The following PHF3 variants were observed in gnomAD, a reference collection of about 807,000 sequenced individuals.
The protein encoded by PHF3 is PHD finger protein 3.
A neutral mutation model predicts 178.4 loss-of-function variants in PHF3; 41 were observed. That is an observed-to-expected ratio of 0.23 (90% CI 0.18 to 0.30). The LOEUF (loss-of-function observed/expected upper bound fraction) is 0.30. Ranked by LOEUF, PHF3 falls within the 10% of genes least tolerant of loss-of-function variation. The pLI is 1.00. For missense variants in PHF3, 2,346 were observed against 2,398.1 expected (o/e 0.98, Z 0.45); for synonymous variants, 842 against 800.5 (o/e 1.05, Z -0.88).
Position 63,680,126 on chromosome 6 carries a change from G to C in PHF3, c.371G>C (p.Arg124Thr), listed in dbSNP as rs777343593. 21 of 1,609,658 alleles carry C rather than the reference G, an allele frequency of 1.3e-5. No individual in the cohort carries two copies. The South Asian group carries it at 2.1e-4, about 16-fold the overall frequency. The change falls in exon 3 of 16, where the codon AGA becomes ACA. Residue 124 changes from arginine (R) to threonine (T), a missense_variant. By Grantham distance (71) the Arg-to-Thr change is moderately conservative. This residue lies in a region of PHF3 where 843 missense variants were observed against 795.2 expected (regional missense o/e 1.06). Transcript: ENST00000262043. ...GACAAGGTAGAAGAAAATTCAGTGA[G>C]ATCTCCAAGAAAATCACCTCGTTTA... ...LRDKVEENSV[R>T]SPRKSPRLMA...
chr6:63,669,213 A>G (rs1765805722), intron 2 of PHF3, among the ~76,000 whole-genome samples: 1 of 152,250 alleles, frequency 6.6e-6, no homozygotes, highest in African/African-American at 2.4e-5. Context: ...AGAAACTGAC[A>G]TTTAAAAAAC....
At position 63,712,878 on chromosome 6, in the gene PHF3, C is replaced by T. The variant is rs1180978882; in HGVS notation, c.5290C>T (p.His1764Tyr). Residue 1764 changes from histidine (H) to tyrosine (Y), a missense_variant, in exon 16 of 16, where the codon CAT (histidine) becomes TAT (tyrosine). Coordinates refer to ENST00000262043, the MANE Select transcript of PHF3 (RefSeq NM_001370348.2). ...FRRGSAVATS[H>Y]FEVGNTCPSE... is the part of the protein sequence containing the mutation. ...AAGAGGATCAGCAGTAGCGACATCT[C>T]ATTTTGAAGTTGGAAACACATGTCC... 6.2e-7 allele frequency: 1 copy of T among 1,614,000 alleles called. No homozygotes were observed. The highest frequency in any genetic ancestry group is 2.2e-5 in the East Asian group (1 of 44,860).
intron 2 of PHF3, among the ~76,000 whole-genome samples, chr6:63,649,121 T>G (rs979348666): frequency 1.3e-5 from 2 of 149,538 alleles, no homozygotes; most frequent in African/African-American, 4.9e-5. Flanking sequence ...TTCATTTATT[T>G]TGGTAGAGAC....
chr6:63,704,252 C>T (rs1342959105), intron 11 of PHF3, among the ~76,000 whole-genome samples: 1 of 152,024 alleles, frequency 6.6e-6, no homozygotes. Flanking sequence ...AATAATGACC[C>T]CAAATCCATA....
intron 5 of PHF3, 87 bp downstream of exon 5, chr6:63,692,130 A>G: frequency 1.1e-6 from 1 of 926,018 alleles, no homozygotes; most frequent in Non-Finnish European, 1.6e-6. Context: ...TCTCTTTAGA[A>G]GTTTTAATGT....
chr6:63,712,324 A>G lies in PHF3; in HGVS notation c.4736A>G (p.Gln1579Arg), dbSNP rs1168506862. The G allele has an allele frequency of 1.2e-6, 2 of 1,613,078 alleles. No homozygotes were observed. Among genetic ancestry groups the G allele is most frequent in the African/African-American group, 2.7e-5 (2 of 74,862 alleles). ...GCATTTTTAACAAATTTATCAATTC[A>G]GTCAAAACAAGAGGAAACTGTGGAG... Reference protein sequence around the residue: ...TEAFLTNLSIQSKQEETVESK... With the variant: ...TEAFLTNLSIRSKQEETVESK... The change falls in exon 16 of 16, where the codon CAG (glutamine) becomes CGG (arginine). Residue 1579 changes from glutamine to arginine, a missense_variant. Gln to Arg is a conservative substitution (Grantham distance 43, BLOSUM62 1). Coordinates refer to ENST00000262043, the MANE Select transcript of PHF3 (RefSeq NM_001370348.2).
rs1764311975 is a variant in PHF3, at chr6:63,635,994, T to TCCCAGGAGGAAAAGAGGCTGTGGC, written c.-181_-158dup. ...AGTGTCGTCAGCAGCAGCCATTTGG[T>TCCCAGGAGGAAAAGAGGCTGTGGC]CCCAGGAGGAAAAGAGGCTGTGGCA... On this transcript the variant is annotated 5_prime_UTR_variant, in exon 1 of 16. Transcript: ENST00000262043. 7.5e-6 allele frequency: 3 copies of TCCCAGGAGGAAAAGAGGCTGTGGC among 397,832 alleles called. No individual in the cohort carries two copies. The highest frequency in any genetic ancestry group is 1.3e-5 in the Non-Finnish European group (3 of 225,572). 24.6% of individuals were successfully genotyped at this position (397,832 alleles called of 1,614,324 possible).
At chr6:63,653,262 A>G (rs1207431000) in intron 2 of PHF3, among the ~76,000 whole-genome samples, 1 of 150,866 alleles carries the variant, frequency 6.6e-6, no homozygotes, top group Non-Finnish European at 1.5e-5. Context: ...CATTGCATTG[A>G]ATCTATACAC....
chr6:63,693,530 G>A (rs1452465135), intron 5 of PHF3, among the ~76,000 whole-genome samples: 2 of 152,206 alleles, frequency 1.3e-5, no homozygotes, highest in East Asian at 3.8e-4. Context: ...CAGGAGAATC[G>A]CTTGAACCTG....
chr6:63,669,715 A>ATG (rs1333128949), intron 2 of PHF3, among the ~76,000 whole-genome samples: 3 of 152,170 alleles, frequency 2.0e-5, no homozygotes, highest in African/African-American at 7.2e-5. Flanking sequence ...AATGAACTTG[A>ATG]TGTAAGGGAT....
chr6:63,711,935 C>T lies in PHF3; in HGVS notation c.4347C>T (p.Gly1449=). 6.2e-7 allele frequency: 1 copy of T among 1,613,912 alleles called. No homozygotes were observed. Residue 1449 remains glycine, a synonymous_variant, in exon 16 of 16, where the codon GGC becomes GGT. Coordinates refer to ENST00000262043, the MANE Select transcript of PHF3 (RefSeq NM_001370348.2). ...GATTTCTTCCTGGCGTGTTGATTGG[C>T]TGGGAGAATCAACCTACTACTCTGG... is the stretch of plus-strand genomic sequence containing the variant. ...PLRFLPGVLI[G]WENQPTTLEL...
Position 63,723,423 on chromosome 6 carries a change from T to A in PHF3, c.*9715T>A, listed in dbSNP as rs1321852437. Among the ~76,000 whole-genome samples the A allele has an allele frequency of 6.6e-6, 1 of 152,202 alleles. No homozygotes were observed. The highest frequency in any genetic ancestry group is 2.4e-5 in the African/African-American group (1 of 41,462). On this transcript the variant is annotated 3_prime_UTR_variant, in exon 16 of 16. Coordinates refer to ENST00000262043, the MANE Select transcript of PHF3 (RefSeq NM_001370348.2). ...CCTGCAAGTGAACACAAACCAGTTA[T>A]CTTTTGCAAGATTATGGAGGAAGCT...
At position 63,685,645 on chromosome 6, in the gene PHF3, T is replaced by A. The variant is rs757368012; in HGVS notation, c.1923T>A (p.Ser641Arg). ...QQQAPAMKTNSHVKEELEHPG... is the reference protein window; with the variant it reads ...QQQAPAMKTNRHVKEELEHPG... ...AGGCCCCAGCAATGAAAACCAATAGTCACGTGAAGGAAGAGCTTGAACACC... is the reference window on the plus strand; with the variant it reads ...AGGCCCCAGCAATGAAAACCAATAGACACGTGAAGGAAGAGCTTGAACACC... Residue 641 changes from serine to arginine, a missense_variant, in exon 4 of 16, where the codon AGT (serine) becomes AGA (arginine). This residue lies in a region of PHF3 where 843 missense variants were observed against 795.2 expected (regional missense o/e 1.06). Transcript: ENST00000262043. 2 of 1,613,928 alleles carry A rather than the reference T, an allele frequency of 1.2e-6. No homozygotes were observed. The highest frequency in any genetic ancestry group is 1.7e-6 in the Non-Finnish European group (2 of 1,179,986).
At chr6:63,645,920 TGTA>T (rs1178285472) in intron 1 of PHF3, among the ~76,000 whole-genome samples, 1 of 152,214 alleles carries the variant, frequency 6.6e-6, no homozygotes, top group Non-Finnish European at 1.5e-5. Flanking sequence ...TGTGTGTGTG[TGTA>T]GTCTTTTAAG....
chr6:63,648,699 GT>G (rs1320333332), intron 2 of PHF3, among the ~76,000 whole-genome samples: 5 of 152,062 alleles, frequency 3.3e-5, no homozygotes, highest in Admixed American at 3.3e-4. Context: ...TTGTGATTCT[GT>G]TATCTTTTAA....
At chr6:63,692,312 A>G (rs987556768) in intron 5 of PHF3, among the ~76,000 whole-genome samples, 13 of 152,090 alleles carry the variant, frequency 8.5e-5, no homozygotes, top group Non-Finnish European at 1.5e-4. Context: ...TTTCTGTTGT[A>G]GGATGTGTGT....
At chr6:63,688,858 A>T (rs769130282) in intron 4 of PHF3, among the ~76,000 whole-genome samples, 7 of 152,234 alleles carry the variant, frequency 4.6e-5, no homozygotes, top group Non-Finnish European at 1.0e-4. Context: ...ATACATTGAA[A>T]GCTGTTTGTT....
Position 63,646,702 on chromosome 6 carries a change from G to A in PHF3, c.151G>A (p.Asp51Asn). The change falls in exon 2 of 16, where the codon GAT becomes AAT. Residue 51 changes from aspartate (D) to asparagine (N), a missense_variant. By Grantham distance (23) the Asp-to-Asn change is conservative. This residue lies in a region of PHF3 where 843 missense variants were observed against 795.2 expected (regional missense o/e 1.06). Transcript: ENST00000262043. ...GGACTCGCTGAAGAACATGCTCAGC[G>A]ATAAGGATCCTATGCTAGGATCTGC... Reference protein sequence around the residue: ...LEDSLKNMLSDKDPMLGSASN... With the variant: ...LEDSLKNMLSNKDPMLGSASN... The A allele has an allele frequency of 6.2e-7, 1 of 1,613,410 alleles. No homozygotes were observed. Among genetic ancestry groups the A allele is most frequent in the Non-Finnish European group, 8.5e-7 (1 of 1,179,772 alleles).
chr6:63,673,331 T>C (rs1275167844), intron 2 of PHF3, among the ~76,000 whole-genome samples: 1 of 152,028 alleles, frequency 6.6e-6, no homozygotes, highest in Non-Finnish European at 1.5e-5. Context: ...AGAAAAAATA[T>C]CCCAAAGTGA....
Sources: gnomAD v4.1 joint callset for allele counts (sites outside exome capture counted in the v4.1 genomes callset) on GRCh38, gnomAD v4.1.1 for gene constraint, gnomAD v4.1.1 regional missense constraint, MANE v1.5 for transcripts, NCBI Gene and HGNC (gene_info 2026-07-23, HGNC 2026-07-21) for gene names.